Variants in SLC16A10 observed in about 807,000 individuals in gnomAD.
SLC16A10 encodes solute carrier family 16 member 10.
In SLC16A10, 27 loss-of-function variants were observed where a neutral mutation model predicts 40.0. The ratio of observed to expected loss-of-function variants is 0.67; its 90% CI spans 0.50 to 0.93. The LOEUF (loss-of-function observed/expected upper bound fraction) is 0.93, where lower values mean the gene tolerates loss of function less well. Among genes scored for constraint, SLC16A10 ranks in the 40% least tolerant of loss-of-function variants. The probability of loss-of-function intolerance (pLI) is 0.00; values close to 1 mark genes in which losing one functional copy is unlikely to be tolerated. For missense variants in SLC16A10, 529 were observed against 658.2 expected, an observed-to-expected ratio of 0.80 and a Z score of 2.15; for synonymous variants, 213 against 249.8, an observed-to-expected ratio of 0.85 and a Z score of 1.39.
chr6:111,094,629 C>G (rs1771040838), intron 1 of SLC16A10, among the ~76,000 whole-genome samples: 1 of 151,840 alleles, frequency 6.6e-6, no homozygotes, highest in Non-Finnish European at 1.5e-5. Context: ...TAATTCATGC[C>G]TTCATTTACT....
At chr6:111,150,670 G>C (rs1464188878) in intron 1 of SLC16A10, among the ~76,000 whole-genome samples, 1 of 152,124 alleles carries the variant, frequency 6.6e-6, no homozygotes, top group Admixed American at 6.5e-5. Flanking sequence ...AAGCCCAGAG[G>C]GAGCTGATTG....
At chr6:111,140,550 C>T (rs1771964286) in intron 1 of SLC16A10, among the ~76,000 whole-genome samples, 1 of 152,120 alleles carries the variant, frequency 6.6e-6, no homozygotes, top group Admixed American at 6.5e-5. Flanking sequence ...ATCACTAACC[C>T]ACTTCTAAAG....
intron 3 of SLC16A10, among the ~76,000 whole-genome samples, chr6:111,194,566 A>G (rs1210539507): frequency 2.0e-5 from 3 of 152,166 alleles, no homozygotes. Context: ...AGGTTAACAG[A>G]TATCCACGCC....
chr6:111,177,121 C>T, intron 2 of SLC16A10, 91 bp from the exon 3 acceptor site: 1 of 861,152 alleles, frequency 1.2e-6, no homozygotes, highest in Non-Finnish European at 1.6e-6. Flanking sequence ...TGTTGATGAA[C>T]AAAAACCCAC....
In SLC16A10 at chr6:111,126,496, A is replaced by G. The variant is rs971849237; in HGVS notation, c.343+38401A>G. Among the ~76,000 whole-genome samples the G allele has an allele frequency of 5.3e-5, 8 of 152,292 alleles. No homozygotes were observed. The East Asian group carries it at 1.2e-3, about 22-fold the overall frequency. Reference sequence around the variant, plus strand: ...TATCTAGGAGCGTCATATTCATGCTACTACTGAGCACTGTGACCTAGGTGA... The same window carrying G: ...TATCTAGGAGCGTCATATTCATGCTGCTACTGAGCACTGTGACCTAGGTGA... On this transcript the variant is annotated intron_variant, in intron 1 of 5. Coordinates refer to ENST00000368851, the MANE Select transcript of SLC16A10 (RefSeq NM_018593.5).
chr6:111,113,449 A>G (rs1771426541), intron 1 of SLC16A10, among the ~76,000 whole-genome samples: 1 of 152,148 alleles, frequency 6.6e-6, no homozygotes, highest in African/African-American at 2.4e-5. Context: ...AGAAGAAGCT[A>G]TCAGGAGCTC....
intron 1 of SLC16A10, among the ~76,000 whole-genome samples, chr6:111,124,110 A>G (rs943808850): frequency 6.6e-6 from 1 of 152,164 alleles, no homozygotes; most frequent in Non-Finnish European, 1.5e-5. Context: ...GGATGATTTC[A>G]TCATATGACT....
chr6:111,107,052 A>G (rs940063336), intron 1 of SLC16A10, among the ~76,000 whole-genome samples: 2 of 152,180 alleles, frequency 1.3e-5, no homozygotes, highest in African/African-American at 2.4e-5. Flanking sequence ...TTAAATAGAT[A>G]CATATTTTGA....
At position 111,088,101 on chromosome 6, in the gene SLC16A10, G is replaced by A. The variant is rs1175938058; in HGVS notation, c.343+6G>A. 2.5e-6 allele frequency: 4 copies of A among 1,592,042 alleles called. No individual in the cohort carries two copies. The highest frequency in any genetic ancestry group is 3.4e-6 in the Non-Finnish European group (4 of 1,171,046). On this transcript the variant is annotated splice_donor_region_variant and intron_variant, in intron 1 of 5. Coordinates refer to ENST00000368851, the MANE Select transcript of SLC16A10 (RefSeq NM_018593.5). ...CAAGATGGTCTTTAAGACAGGTGAG[G>A]CGCGGCGCCCGCCGAGGCCAGCCTG... is the stretch of plus-strand genomic sequence containing the variant.
chr6:111,215,414 TAAA>T (rs34294985), intron 4 of SLC16A10, among the ~76,000 whole-genome samples: 119 of 128,078 alleles, frequency 9.3e-4, no homozygotes, highest in Middle Eastern at 4.0e-3. Flanking sequence ...GTACTGGTGT[TAAA>T]AAAAAAAAAA....
intron 1 of SLC16A10, among the ~76,000 whole-genome samples, chr6:111,093,695 CT>C (rs372285978): frequency 2.0e-5 from 3 of 152,230 alleles, no homozygotes; most frequent in African/African-American, 7.2e-5. Flanking sequence ...AGTAACAGTC[CT>C]TTGTTGAGCT....
intron 1 of SLC16A10, among the ~76,000 whole-genome samples, chr6:111,113,120 A>T (rs1282708186): frequency 6.6e-6 from 1 of 152,244 alleles, no homozygotes; most frequent in Non-Finnish European, 1.5e-5. Context: ...CCTATTAACA[A>T]ATTAAATAAT....
At chr6:111,217,543 G>A (rs1770784401) in intron 4 of SLC16A10, among the ~76,000 whole-genome samples, 1 of 152,036 alleles carries the variant, frequency 6.6e-6, no homozygotes, top group Admixed American at 6.6e-5. Context: ...TCCACCCCCC[G>A]GATTCACGCC....
chr6:111,182,022 G>A (rs769172349), intron 3 of SLC16A10, among the ~76,000 whole-genome samples: 9 of 150,960 alleles, frequency 6.0e-5, no homozygotes, highest in Admixed American at 1.3e-4. Context: ...TTTTTGAGAC[G>A]GAGTCTTGCT....
At chr6:111,206,569 G>A in intron 3 of SLC16A10, 23 bp from the exon 4 acceptor site, 1 of 1,613,564 alleles carries the variant, frequency 6.2e-7, no homozygotes, top group Non-Finnish European at 8.5e-7. Context: ...ATTCAGTGTG[G>A]TTTCTTTCTC....
Position 111,218,825 on chromosome 6 carries a change from T to C in SLC16A10, c.1098T>C (p.Phe366=). The C allele has an allele frequency of 1.2e-6, 2 of 1,614,198 alleles. No homozygotes were observed. Among genetic ancestry groups the C allele is most frequent in the Non-Finnish European group, 1.7e-6 (2 of 1,180,034 alleles). ...VKKVYLQVLS[F]FFIGLMSMMI... is the part of the protein sequence containing the mutation. ...GGTGTCCGTCCTAGGTACTCTCCTTTTTCTTCATTGGTCTGATGTCCATGA... is the reference window on the plus strand; with the variant it reads ...GGTGTCCGTCCTAGGTACTCTCCTTCTTCTTCATTGGTCTGATGTCCATGA... Residue 366 remains phenylalanine (F), a synonymous_variant, in exon 5 of 6, where the codon TTT becomes TTC. Coordinates refer to ENST00000368851, the MANE Select transcript of SLC16A10 (RefSeq NM_018593.5).
chr6:111,092,042 A>G (rs1397487849), intron 1 of SLC16A10, among the ~76,000 whole-genome samples: 1 of 152,160 alleles, frequency 6.6e-6, no homozygotes, highest in African/African-American at 2.4e-5. Flanking sequence ...CTGAAATTCT[A>G]AGGTCATTTC....
In SLC16A10 at chr6:111,177,396, A is replaced by G. The variant is rs1772705946; in HGVS notation, c.673A>G (p.Ile225Val). The change falls in exon 3 of 6, where the codon ATT (isoleucine) becomes GTT (valine). Residue 225 changes from isoleucine (I) to valine (V), a missense_variant. Coordinates refer to ENST00000368851, the MANE Select transcript of SLC16A10 (RefSeq NM_018593.5). ...GCTGCCTTTGCTCTTAAGGGTTCTG[A>G]TTGACAGCGTGGGCCTCTTTTACAC... ...ILLPLLLRVL[I>V]DSVGLFYTLR... 6.2e-7 allele frequency: 1 copy of G among 1,613,824 alleles called. No homozygotes were observed.
intron 3 of SLC16A10, among the ~76,000 whole-genome samples, chr6:111,185,432 G>A (rs1182349717): frequency 6.6e-6 from 1 of 152,174 alleles, no homozygotes; most frequent in African/African-American, 2.4e-5. Flanking sequence ...AGCACTCAGA[G>A]CATGCTTCAC....
Sources: allele counts gnomAD v4.1 joint callset (sites outside exome capture counted in the v4.1 genomes callset), GRCh38; gene constraint gnomAD v4.1.1; transcripts MANE v1.5; gene names NCBI Gene and HGNC (gene_info 2026-07-23, HGNC 2026-07-21).